Variants in FZD5 observed in about 807,000 individuals in gnomAD.
The protein encoded by FZD5 is frizzled class receptor 5.
In FZD5, 12 loss-of-function variants were observed where a neutral mutation model predicts 40.8. The observed-to-expected ratio is 0.29, with a 90% CI of 0.19 to 0.48. The LOEUF is 0.48. Among genes scored for constraint, FZD5 ranks in the 20% least tolerant of loss-of-function variants. The pLI is 0.99. For missense variants in FZD5, 622 were observed against 832.8 expected, an observed-to-expected ratio of 0.75 and a Z score of 3.12; for synonymous variants, 380 against 383.7, an observed-to-expected ratio of 0.99 and a Z score of 0.11.
At position 207,763,690 on chromosome 2, in the gene FZD5, C is replaced by T. The variant is rs1421927468; in HGVS notation, c.*3292G>A. On this transcript the variant is annotated 3_prime_UTR_variant, in exon 2 of 2. Transcript: ENST00000295417. ...AGCAGTTCATTAAAATATACAACTA[C>T]ATTTCCTAGCTCTGGGGTTCCCATT... 1 of 152,664 alleles carries T rather than the reference C, an allele frequency of 6.6e-6. No homozygotes were observed. The highest frequency in any genetic ancestry group is 1.5e-5 in the Non-Finnish European group (1 of 68,080). 9.5% of individuals were successfully genotyped at this position (152,664 alleles called of 1,614,324 possible). A position where few individuals can be genotyped will look rare whatever the true frequency, so the allele number is the denominator to read the frequency against.
At position 207,768,764 on chromosome 2, in the gene FZD5, A is replaced by G; in HGVS notation, c.-25T>C. The G allele has an allele frequency of 1.3e-6, 2 of 1,508,612 alleles. No individual in the cohort carries two copies. The highest frequency in any genetic ancestry group is 1.8e-6 in the Non-Finnish European group (2 of 1,124,600). 93.5% of individuals were successfully genotyped at this position (1,508,612 alleles called of 1,614,324 possible). ...TCGCCCCCTCCCTCCCCTCGCCTCCAGCAGCCCGCGAGGGACGCACACAGG... is the reference window on the plus strand; with the variant it reads ...TCGCCCCCTCCCTCCCCTCGCCTCCGGCAGCCCGCGAGGGACGCACACAGG... On this transcript the variant is annotated 5_prime_UTR_variant, in exon 2 of 2. Coordinates refer to ENST00000295417, the MANE Select transcript of FZD5 (RefSeq NM_003468.4).
In FZD5 at chr2:207,768,206, C is replaced by G. The variant is rs771537024; in HGVS notation, c.534G>C (p.Ser178=). Residue 178 remains serine (S), a synonymous_variant, in exon 2 of 2, where the codon TCG becomes TCC. Coordinates refer to ENST00000295417, the MANE Select transcript of FZD5 (RefSeq NM_003468.4). ...TLPGPPGAPA[S]GGECPAGGPF... The stretch of plus-strand genomic sequence containing the variant: ...GGCCCCCAGCGGGGCATTCGCCCCC[C>G]GAGGCCGGCGCCCCTGGCGGGCCTG... 6.3e-6 allele frequency: 10 copies of G among 1,582,390 alleles called. No homozygotes were observed. Among genetic ancestry groups the G allele is most frequent in the Non-Finnish European group, 8.5e-6 (10 of 1,169,904 alleles).
In FZD5 at chr2:207,763,368, T is replaced by A. The variant is rs186643857; in HGVS notation, c.*3614A>T. The A allele has an allele frequency of 5.9e-5, 9 of 152,722 alleles. No homozygotes were observed. In the East Asian group the frequency reaches 1.7e-3, roughly 29 times the overall value. 9.5% of individuals were successfully genotyped at this position (152,722 alleles called of 1,614,324 possible). On this transcript the variant is annotated 3_prime_UTR_variant, in exon 2 of 2. Transcript: ENST00000295417. ...CTTGACTCAGGTTAGCTACTTATAT[T>A]CTGCCTACTCTTCACCCTTCTTTAA...
rs898311562 is a variant in FZD5 at position 207,766,043 on chromosome 2, T to G, written c.*939A>C. On this transcript the variant is annotated 3_prime_UTR_variant, in exon 2 of 2. Coordinates refer to ENST00000295417, the MANE Select transcript of FZD5 (RefSeq NM_003468.4). ...TTGTCCAGAGGGAGTGGGTTTATAC[T>G]TTTACCAAAATTATAACACAAGTTC... 2.1e-5 allele frequency: 3 copies of G among 142,752 alleles called. No homozygotes were observed. The highest frequency in any genetic ancestry group is 3.0e-5 in the Non-Finnish European group (2 of 66,840). The allele number at this position is 142,752 out of a possible 1,614,324, so 8.8% of individuals were successfully genotyped here.
At position 207,768,052 on chromosome 2, in the gene FZD5, C is replaced by T; in HGVS notation, c.688G>A (p.Asp230Asn). Residue 230 changes from aspartate (D) to asparagine (N), a missense_variant, in exon 2 of 2, where the codon GAC becomes AAC. Around this residue, in one of 4 missense-constraint regions of FZD5, gnomAD observed 116 missense variants for 117.7 expected, o/e 0.99. Coordinates refer to ENST00000295417, the MANE Select transcript of FZD5 (RefSeq NM_003468.4). ...CAGAAGGTGGCGAACGTGCGCTCGT[C>T]GGCACTGAAGGACGGCTGGTAGCAG... ...VPCYQPSFSA[D>N]ERTFATFWIG... 1 of 1,612,664 alleles carries T rather than the reference C, an allele frequency of 6.2e-7. No homozygotes were observed. The highest frequency in any genetic ancestry group is 8.5e-7 in the Non-Finnish European group (1 of 1,179,376).
chr2:207,768,607 C>G lies in FZD5; in HGVS notation c.133G>C (p.Gly45Arg), dbSNP rs1378643732. The change falls in exon 2 of 2, where the codon GGC becomes CGC. Residue 45 changes from glycine to arginine, a missense_variant. Physicochemically the swap from Gly to Arg is moderately radical, Grantham distance 125. Transcript: ENST00000295417. ...EITVPMCRGI[G>R]YNLTHMPNQF... ...TTGGGCATGTGCGTCAGGTTGTAGC[C>G]GATGCCGCGGCACATGGGCACCGTG... 1 of 1,613,814 alleles carries G rather than the reference C, an allele frequency of 6.2e-7. No homozygotes were observed.
In FZD5 at chr2:207,765,769, T is replaced by A. The variant is rs1032289780; in HGVS notation, c.*1213A>T. The A allele has an allele frequency of 6.6e-6, 1 of 152,538 alleles. No individual in the cohort carries two copies. The highest frequency in any genetic ancestry group is 6.6e-5 in the Admixed American group (1 of 15,266). The allele number at this position is 152,538 out of a possible 1,614,324, so 9.4% of individuals were successfully genotyped here. ...ATTTTCCCTTATTTGGGCCAATGTT[T>A]GTTCACAGGTAGCCAGCCTCCCTCC... On this transcript the variant is annotated 3_prime_UTR_variant, in exon 2 of 2. Transcript: ENST00000295417.
rs1434581488 is a variant in FZD5 at position 207,767,829 on chromosome 2, T to C, written c.911A>G (p.His304Arg). 6.2e-7 allele frequency: 1 copy of C among 1,607,440 alleles called. No individual in the cohort carries two copies. The highest frequency in any genetic ancestry group is 1.3e-5 in the African/African-American group (1 of 74,846). ...ASVACSREHN[H>R]IHYETTGPAL... Reference sequence around the variant, plus strand: ...AGGGCCCGTGGTCTCGTAGTGGATGTGGTTGTGCTCGCGGCTGCAGGCCAC... The same window carrying C: ...AGGGCCCGTGGTCTCGTAGTGGATGCGGTTGTGCTCGCGGCTGCAGGCCAC... The change falls in exon 2 of 2, where the codon CAC becomes CGC. Residue 304 changes from histidine to arginine, a missense_variant. Physicochemically the swap from His to Arg is conservative, Grantham distance 29 (BLOSUM62 0). Coordinates refer to ENST00000295417, the MANE Select transcript of FZD5 (RefSeq NM_003468.4).
chr2:207,768,086 G>A lies in FZD5; in HGVS notation c.654C>T (p.Cys218=). The part of the protein sequence containing the change: ...NKVRTGQVPN[C]AVPCYQPSFS... ...AGGACGGCTGGTAGCAGGGTACCGC[G>A]CAGTTGGGCACCTGGCCCGTCCGCA... The change falls in exon 2 of 2, where the codon TGC becomes TGT. Residue 218 remains cysteine, a synonymous_variant. Transcript: ENST00000295417. The A allele has an allele frequency of 1.2e-6, 2 of 1,613,414 alleles. No homozygotes were observed. The highest frequency in any genetic ancestry group is 1.3e-5 in the African/African-American group (1 of 75,060).
rs1472725787 is a variant in FZD5, at chr2:207,762,839, C to T, written c.*4143G>A. ...CACATACAACTGCTGTTTCTACTGACTCCCAGGAACGAAGCAGAAACAAAA... is the reference window on the plus strand; with the variant it reads ...CACATACAACTGCTGTTTCTACTGATTCCCAGGAACGAAGCAGAAACAAAA... On this transcript the variant is annotated 3_prime_UTR_variant, in exon 2 of 2. Transcript: ENST00000295417. 6.6e-6 allele frequency: 1 copy of T among 152,598 alleles called. No individual in the cohort carries two copies. Among genetic ancestry groups the T allele is most frequent in the African/African-American group, 2.4e-5 (1 of 41,426 alleles). 9.5% of individuals were successfully genotyped at this position (152,598 alleles called of 1,614,324 possible).
Position 207,768,485 on chromosome 2 carries a change from G to A in FZD5, c.255C>T (p.Phe85=). 1.9e-6 allele frequency: 3 copies of A among 1,613,884 alleles called. No homozygotes were observed. The highest frequency in any genetic ancestry group is 2.5e-6 in the Non-Finnish European group (3 of 1,179,902). The change falls in exon 2 of 2, where the codon TTC becomes TTT. Residue 85 remains phenylalanine, a synonymous_variant. Transcript: ENST00000295417. ...EIQCSPDLRF[F]LCSMYTPICL... Reference sequence around the variant, plus strand: ...AGATGGGCGTGTACATAGAGCATAGGAAGAAGCGCAGGTCCGGCGAGCATT... The same window carrying A: ...AGATGGGCGTGTACATAGAGCATAGAAAGAAGCGCAGGTCCGGCGAGCATT...
At position 207,767,267 on chromosome 2, in the gene FZD5, G is replaced by A. The variant is rs148996330; in HGVS notation, c.1473C>T (p.Thr491=). 5,416 of 1,610,988 alleles carry A rather than the reference G, an allele frequency of 3.4e-3. 14 individuals are homozygous for A. Among genetic ancestry groups the A allele is most frequent in the Non-Finnish European group, 4.2e-3 (4,947 of 1,179,106 alleles). Residue 491 remains threonine (T), a synonymous_variant, in exon 2 of 2, where the codon ACC becomes ACT. Transcript: ENST00000295417. ...ACTCGGGCTTGGCGCGCGGCTGGCC[G>A]GTGTCGTGGCCCGGGCAGGCGCAGG... ...ALTCACPGHD[T]GQPRAKPEYW...
rs1216109222 is a variant in FZD5 at position 207,764,200 on chromosome 2, C to T, written c.*2782G>A. The T allele has an allele frequency of 6.6e-6, 1 of 152,350 alleles. No individual in the cohort carries two copies. The highest frequency in any genetic ancestry group is 1.5e-5 in the Non-Finnish European group (1 of 68,056). The allele number at this position is 152,350 out of a possible 1,614,324, so 9.4% of individuals were successfully genotyped here. A position where few individuals can be genotyped will look rare whatever the true frequency, so the allele number is the denominator to read the frequency against. ...TGAAAGGGACAGCCCTGAAGCTGTA[C>T]ACATAAGAGACTCCAATGGGCCCTA... On this transcript the variant is annotated 3_prime_UTR_variant, in exon 2 of 2. Coordinates refer to ENST00000295417, the MANE Select transcript of FZD5 (RefSeq NM_003468.4).
At position 207,766,596 on chromosome 2, in the gene FZD5, A is replaced by G. The variant is rs538052975; in HGVS notation, c.*386T>C. On this transcript the variant is annotated 3_prime_UTR_variant, in exon 2 of 2. Transcript: ENST00000295417. ...CACGTATAGGAAATATATTTTCCCA[A>G]TTGAGACCACACAGTTCAAAGAAAC... 1.3e-3 allele frequency: 222 copies of G among 170,488 alleles called. 1 individual carries two copies. The highest frequency in any genetic ancestry group is 5.0e-3 in the African/African-American group (213 of 42,368). The allele number at this position is 170,488 out of a possible 1,614,324, so 10.6% of individuals were successfully genotyped here.
Position 207,768,574 on chromosome 2 carries a change from T to C in FZD5, c.166A>G (p.Asn56Asp). ...YNLTHMPNQF[N>D]HDTQDEAGLE... ...CCCGCCTCGTCCTGCGTGTCGTGGT[T>C]GAACTGGTTGGGCATGTGCGTCAGG... The change falls in exon 2 of 2, where the codon AAC becomes GAC. Residue 56 changes from asparagine to aspartate, a missense_variant. Transcript: ENST00000295417. The C allele has an allele frequency of 6.2e-7, 1 of 1,613,938 alleles. No homozygotes were observed. Among genetic ancestry groups the C allele is most frequent in the East Asian group, 2.2e-5 (1 of 44,856 alleles).
At position 207,767,384 on chromosome 2, in the gene FZD5, G is replaced by A; in HGVS notation, c.1356C>T (p.Ile452=). 1.2e-6 allele frequency: 2 copies of A among 1,612,672 alleles called. No individual in the cohort carries two copies. Among genetic ancestry groups the A allele is most frequent in the Middle Eastern group, 1.6e-4 (1 of 6,062 alleles). ...KLEKLMIRIG[I]FTLLYTVPAS... is the part of the protein sequence containing the mutation. ...CGGGGACCGTGTAGAGCAGCGTGAA[G>A]ATGCCGATGCGGATCATGAGCTTCT... Residue 452 remains isoleucine (I), a synonymous_variant, in exon 2 of 2, where the codon ATC becomes ATT. Transcript: ENST00000295417.
chr2:207,767,730 G>T lies in FZD5; in HGVS notation c.1010C>A (p.Ser337Ter). 1 of 1,614,144 alleles carries T rather than the reference G, an allele frequency of 6.2e-7. No individual in the cohort carries two copies. Among genetic ancestry groups the T allele is most frequent in the Non-Finnish European group, 8.5e-7 (1 of 1,180,012 alleles). ...MASSIWWVIL[S>*]LTWFLAAGMK... ...GCCGGCGGCCAGGAACCAGGTGAGCGACAGGATGACCCACCAGATGGAGCT... is the reference window on the plus strand; with the variant it reads ...GCCGGCGGCCAGGAACCAGGTGAGCTACAGGATGACCCACCAGATGGAGCT... The change falls in exon 2 of 2, where the codon TCG (serine) becomes TAG (stop). Residue 337 changes from serine (S) to a stop codon, truncating the protein, a stop_gained. Transcript: ENST00000295417. LOFTEE classifies it high-confidence loss of function.
chr2:207,768,727 C>A lies in FZD5; in HGVS notation c.13G>T (p.Asp5Tyr). Reference protein sequence around the residue: MARPDPSAPPSLLLL... With the variant: MARPYPSAPPSLLLL... ...AACAGCGAGGGCGGCGCGGATGGGT[C>A]AGGCCGAGCCATCGCCCCCTCCCTC... Residue 5 changes from aspartate (D) to tyrosine (Y), a missense_variant, in exon 2 of 2, where the codon GAC becomes TAC. Transcript: ENST00000295417. The A allele has an allele frequency of 6.4e-7, 1 of 1,571,656 alleles. No homozygotes were observed. Among genetic ancestry groups the A allele is most frequent in the South Asian group, 1.2e-5 (1 of 86,220 alleles).
chr2:207,768,730 G>T lies in FZD5; in HGVS notation c.10C>A (p.Pro4Thr). The change falls in exon 2 of 2, where the codon CCT becomes ACT. Residue 4 changes from proline to threonine, a missense_variant. Around this residue, in one of 4 missense-constraint regions of FZD5, gnomAD observed 144 missense variants for 214.2 expected, o/e 0.67. Coordinates refer to ENST00000295417, the MANE Select transcript of FZD5 (RefSeq NM_003468.4). MAR[P>T]DPSAPPSLLL... ...AGCGAGGGCGGCGCGGATGGGTCAGGCCGAGCCATCGCCCCCTCCCTCCCC... is the reference window on the plus strand; with the variant it reads ...AGCGAGGGCGGCGCGGATGGGTCAGTCCGAGCCATCGCCCCCTCCCTCCCC... 6.4e-7 allele frequency: 1 copy of T among 1,571,296 alleles called. No individual in the cohort carries two copies. The highest frequency in any genetic ancestry group is 8.6e-7 in the Non-Finnish European group (1 of 1,159,204).
Sources: allele counts gnomAD v4.1 joint callset, GRCh38; gene constraint gnomAD v4.1.1; regional missense constraint gnomAD v4.1.1; transcripts MANE v1.5; gene names NCBI Gene and HGNC (gene_info 2026-07-23, HGNC 2026-07-21).